Variants in EVC observed in about 807,000 individuals in gnomAD.
EVC encodes evC complex member EVC.
Under a neutral mutation model 118.9 loss-of-function variants are expected in EVC, and 116 were observed. The observed-to-expected ratio is 0.98, with a 90% CI of 0.84 to 1.14. EVC has a LOEUF of 1.14. EVC is among the 50% of genes most tolerant of loss of function. The pLI is 0.00. For missense variants in EVC, 1,401 were observed against 1,246.4 expected, an observed-to-expected ratio of 1.12 and a Z score of -1.87; for synonymous variants, 619 against 534.7, an observed-to-expected ratio of 1.16 and a Z score of -2.18.
At chr4:5,780,072 A>C (rs1371466013) in intron 11 of EVC, among the ~76,000 whole-genome samples, 1 of 152,178 alleles carries the variant, frequency 6.6e-6, no homozygotes, top group Non-Finnish European at 1.5e-5. Flanking sequence ...ATTTTGTCAA[A>C]GGTCTTTTCT....
chr4:5,782,389 ATT>A (rs71171482), intron 11 of EVC, among the ~76,000 whole-genome samples: 1,084 of 78,544 alleles, frequency 0.014, 11 homozygotes, highest in African/African-American at 0.045. Context: ...GTAAGGTTCC[ATT>A]TTTTTTTTTT....
intron 2 of EVC, among the ~76,000 whole-genome samples, chr4:5,725,423 GC>G: frequency 6.6e-6 from 1 of 152,118 alleles, no homozygotes; most frequent in East Asian, 1.9e-4. Flanking sequence ...ATTCTGACTG[GC>G]ATGAGATGGT....
At chr4:5,828,275 C>T in the EVC span, 2 of 985,364 alleles carry the variant, frequency 2.0e-6, no homozygotes, top group Non-Finnish European at 2.4e-6. Flanking sequence ...CTACAGTTTG[C>T]AAAGCCCTGG....
intron 11 of EVC, among the ~76,000 whole-genome samples, chr4:5,777,297 C>G (rs141139367): frequency 2.0e-5 from 3 of 152,094 alleles, no homozygotes; most frequent in Non-Finnish European, 2.9e-5. Context: ...GTTTGTATAA[C>G]GAGTCTGGAC....
chr4:5,824,221 G>T, the EVC span: 1 of 882,790 alleles, frequency 1.1e-6, no homozygotes, highest in Non-Finnish European at 1.4e-6. Context: ...CTTGTGTCTT[G>T]TTGCACCCAG....
rs529757865 is a variant in EVC at position 5,761,396 on chromosome 4, T to G, written c.1563+5034T>G. ...ATCAATCGAGGTTTATTGAGCCAGC[T>G]CGAGGGTGCACCTGGAAAAACGCAA... On this transcript the variant is annotated intron_variant, in intron 11 of 20. Transcript: ENST00000264956. Among the ~76,000 whole-genome samples, 9 of 151,266 alleles carry G rather than the reference T, an allele frequency of 5.9e-5. 1 individual carries two copies. In the East Asian group the frequency reaches 1.4e-3, roughly 23 times the overall value.
At chr4:5,776,305 T>G (rs763659590) in intron 11 of EVC, among the ~76,000 whole-genome samples, 24 of 152,174 alleles carry the variant, frequency 1.6e-4, no homozygotes, top group Non-Finnish European at 3.1e-4. Context: ...TGTTTTCTTT[T>G]TCTTAAAGAC....
chr4:5,792,899 G>A (rs1350221612), intron 12 of EVC, among the ~76,000 whole-genome samples: 1 of 152,164 alleles, frequency 6.6e-6, no homozygotes, highest in Non-Finnish European at 1.5e-5. Flanking sequence ...TTGAAGGCAT[G>A]AAGAAAAATG....
In EVC at chr4:5,719,330, G is replaced by A; in HGVS notation, c.257G>A (p.Arg86Lys). 6.2e-7 allele frequency: 1 copy of A among 1,614,214 alleles called. No individual in the cohort carries two copies. ...PSETGSPSRR[R>K]KREVQMSKDK... ...GAAACTGGCTCCCCATCAAGGAGGA[G>A]GAAGAGAGAAGTGCAGATGTCGAAG... Residue 86 changes from arginine (R) to lysine (K), a missense_variant, in exon 2 of 21, where the codon AGG becomes AAG. By Grantham distance (26) the Arg-to-Lys change is conservative. Coordinates refer to ENST00000264956, the MANE Select transcript of EVC (RefSeq NM_153717.3). This position sits in a 1 kb window ranked among gnomAD's most constrained non-coding sequence, Gnocchi z 4.7.
intron 2 of EVC, among the ~76,000 whole-genome samples, chr4:5,727,363 A>G (rs1043755674): frequency 1.6e-4 from 25 of 152,300 alleles, no homozygotes; most frequent in African/African-American, 4.8e-4. Flanking sequence ...GGCTGCATCA[A>G]TGTCTTCTTT....
At chr4:5,745,055 C>A in intron 6 of EVC, 149 bp from the exon 7 acceptor site, 1 of 714,466 alleles carries the variant, frequency 1.4e-6, no homozygotes. Context: ...TGGGTCAAAC[C>A]TCATGTACAA....
At chr4:5,775,253 A>G (rs1383691308) in intron 11 of EVC, among the ~76,000 whole-genome samples, 2 of 152,162 alleles carry the variant, frequency 1.3e-5, no homozygotes, top group African/African-American at 4.8e-5. Flanking sequence ...ACTGTGAAAT[A>G]TAAGACATAT....
rs2291155 is a variant in EVC, at chr4:5,733,576, C to T, written c.702+141C>T. 200,134 of 799,584 alleles carry T rather than the reference C, an allele frequency of 0.25. 26,666 individuals are homozygous for T. Among genetic ancestry groups the T allele is most frequent in the South Asian group, 0.32 (23,545 of 74,092 alleles). The allele number at this position is 799,584 out of a possible 1,614,324, so 49.5% of individuals were successfully genotyped here. ...GCCGCTGTGAGGTGGGGGAAAGCGG[C>T]GCTGTCAGGCATGCAGCCACAAAAT... On this transcript the variant is annotated intron_variant, in intron 5 of 20. Coordinates refer to ENST00000264956, the MANE Select transcript of EVC (RefSeq NM_153717.3).
chr4:5,793,231 T>C (rs998571548), intron 12 of EVC, among the ~76,000 whole-genome samples: 11 of 152,120 alleles, frequency 7.2e-5, no homozygotes, highest in Non-Finnish European at 1.6e-4. Context: ...TGTGTGTATA[T>C]GTTAATTATA....
At chr4:5,714,061 C>T (rs1259445401) in intron 1 of EVC, among the ~76,000 whole-genome samples, 2 of 152,226 alleles carry the variant, frequency 1.3e-5, no homozygotes, top group Non-Finnish European at 2.9e-5. Flanking sequence ...TCCCCGTACA[C>T]CTCTGCACTT....
At chr4:5,751,183 A>T (rs1166780811) in intron 8 of EVC, among the ~76,000 whole-genome samples, 4 of 152,112 alleles carry the variant, frequency 2.6e-5, no homozygotes, top group Non-Finnish European at 5.9e-5. Context: ...CTTAATCCTC[A>T]TGTCAAATCT....
chr4:5,797,281 G>A lies in EVC; in HGVS notation c.2097+49G>A, dbSNP rs747480676. On this transcript the variant is annotated intron_variant, in intron 14 of 20. Coordinates refer to ENST00000264956, the MANE Select transcript of EVC (RefSeq NM_153717.3). ...CCCATTCCAGACAGGCGGTGCCCCT[G>A]CAGCAGGCCCCAGCTTCCAGCAGGT... The A allele has an allele frequency of 2.1e-6, 3 of 1,454,960 alleles. No homozygotes were observed. The Admixed American group carries it at 5.7e-5, about 28-fold the overall frequency. The allele number at this position is 1,454,960 out of a possible 1,614,324, so 90.1% of individuals were successfully genotyped here.
At chr4:5,828,753 T>TATCA in the EVC span, 1 of 1,470,348 alleles carries the variant, frequency 6.8e-7, no homozygotes, top group Non-Finnish European at 9.2e-7. Flanking sequence ...CCTAACATTA[T>TATCA]ATCATAAGCG....
chr4:5,792,776 C>T (rs571532578), intron 12 of EVC, among the ~76,000 whole-genome samples: 1 of 152,228 alleles, frequency 6.6e-6, no homozygotes, highest in South Asian at 2.1e-4. Context: ...TCCTCCATAC[C>T]AGCAACACCC....
Sources: gnomAD v4.1 joint callset for allele counts (sites outside exome capture counted in the v4.1 genomes callset) on GRCh38, gnomAD v4.1.1 for gene constraint, Gnocchi (gnomAD v3.1) non-coding constraint, MANE v1.5 for transcripts, NCBI Gene and HGNC (gene_info 2026-07-23, HGNC 2026-07-21) for gene names.